JADE3: variants seen among roughly 807,000 people sequenced by gnomAD.
JADE3 encodes protein Jade-3.
Under a neutral mutation model 50.1 loss-of-function variants are expected in JADE3, and 2 were observed. The ratio of observed to expected loss-of-function variants is 0.04; its 90% CI spans 0.02 to 0.13. The LOEUF is 0.13. Among genes scored for constraint, JADE3 ranks in the 10% least tolerant of loss-of-function variants. The probability of loss-of-function intolerance (pLI) is 1.00; values close to 1 mark genes in which losing one functional copy is unlikely to be tolerated. For synonymous variants in JADE3, 218 were observed against 232.9 expected (o/e 0.94, Z 0.58); for missense variants, 475 against 634.4 (o/e 0.75, Z 2.70).
chrX:47,003,964 G>A (rs1286907339), intron 4 of JADE3, among the ~76,000 whole-genome samples: 1 of 105,723 alleles, frequency 9.5e-6, no homozygotes, highest in Non-Finnish European at 1.9e-5. Flanking sequence ...TCGCTCTGTT[G>A]CCCAGGCTGG....
In JADE3 at chrX:47,011,046, A is replaced by C. The variant is rs145577888; in HGVS notation, c.284+12769A>C. On this transcript the variant is annotated intron_variant, in intron 4 of 10. Coordinates refer to ENST00000614628, the MANE Select transcript of JADE3 (RefSeq NM_014735.5). ...CTAAGGACACCAGCCCTATCAGACTAAGGCCCCATCCTTATGACCTCTCAT... is the reference window on the plus strand; with the variant it reads ...CTAAGGACACCAGCCCTATCAGACTCAGGCCCCATCCTTATGACCTCTCAT... Among the ~76,000 whole-genome samples the C allele has an allele frequency of 5.2e-3, 576 of 111,039 alleles. 1 individual carries two copies. Among genetic ancestry groups the C allele is most frequent in the South Asian group, 0.015 (38 of 2,579 alleles).
chrX:47,017,463 T>A lies in JADE3; in HGVS notation c.285-7261T>A, dbSNP rs183924662. Among the ~76,000 whole-genome samples, 579 of 112,104 alleles carry A rather than the reference T, an allele frequency of 5.2e-3. 2 individuals are homozygous for A. Among genetic ancestry groups the A allele is most frequent in the South Asian group, 0.023 (62 of 2,722 alleles). On this transcript the variant is annotated intron_variant, in intron 4 of 10. Coordinates refer to ENST00000614628, the MANE Select transcript of JADE3 (RefSeq NM_014735.5). ...TAGAAGGAAAACAATGCTTCATTTT[T>A]TGTTGAAAGCAAACATACATTATAA...
chrX:46,952,258 AC>A (rs200207386), intron 1 of JADE3, among the ~76,000 whole-genome samples: 1,476 of 111,904 alleles, frequency 0.013, 23 homozygotes, highest in African/African-American at 0.045. Flanking sequence ...TCTTGTTTCA[AC>A]CCCATGGAGA....
At chrX:47,027,773 C>A in intron 5 of JADE3, 119 bp from the exon 6 acceptor site, 3 of 547,354 alleles carry the variant, frequency 5.5e-6, no homozygotes, top group Non-Finnish European at 8.9e-6. Context: ...TGTTTTAGAG[C>A]AGGAAAGAGA....
intron 1 of JADE3, among the ~76,000 whole-genome samples, chrX:46,968,311 T>G (rs1556349435): frequency 9.0e-6 from 1 of 111,673 alleles, no homozygotes; most frequent in African/African-American, 3.3e-5. Flanking sequence ...TAGACAGGAG[T>G]TGCAAAAATA....
chrX:46,934,730 C>T (rs1027261449), intron 1 of JADE3, among the ~76,000 whole-genome samples: 4 of 111,027 alleles, frequency 3.6e-5, no homozygotes, highest in African/African-American at 9.8e-5. Flanking sequence ...CCACCGTGCC[C>T]GGCCTTCTTC....
At chrX:46,993,412 C>T (rs1928059781) in intron 3 of JADE3, among the ~76,000 whole-genome samples, 1 of 111,941 alleles carries the variant, frequency 8.9e-6, no homozygotes, top group Non-Finnish European at 1.9e-5. Context: ...ACTTATTACA[C>T]AAAAAGGGAC....
intron 1 of JADE3, among the ~76,000 whole-genome samples, chrX:46,920,419 C>T (rs1489202193): frequency 1.8e-5 from 2 of 112,723 alleles, no homozygotes; most frequent in Non-Finnish European, 3.8e-5. Flanking sequence ...TTACTGAATA[C>T]TATTCCATTG....
At chrX:47,044,764 G>A (rs1479629603) in intron 8 of JADE3, among the ~76,000 whole-genome samples, 3 of 111,942 alleles carry the variant, frequency 2.7e-5, no homozygotes, top group Non-Finnish European at 5.6e-5. Flanking sequence ...AGTAGAAACA[G>A]CAAAAAGTTA....
At chrX:46,964,853 C>T (rs782175394) in intron 1 of JADE3, among the ~76,000 whole-genome samples, 1 of 112,042 alleles carries the variant, frequency 8.9e-6, no homozygotes, top group African/African-American at 3.2e-5. Flanking sequence ...CCATTCTTAG[C>T]CTCCAGGCCA....
chrX:46,938,212 C>T (rs1556341554), intron 1 of JADE3, among the ~76,000 whole-genome samples: 1 of 111,467 alleles, frequency 9.0e-6, no homozygotes, highest in Non-Finnish European at 1.9e-5. Flanking sequence ...TTACATCTGT[C>T]GTTTTTTATT....
chrX:46,920,032 C>A (rs1327223675), intron 1 of JADE3, among the ~76,000 whole-genome samples: 2 of 110,883 alleles, frequency 1.8e-5, no homozygotes, highest in Non-Finnish European at 3.8e-5. Flanking sequence ...ACACGCATGA[C>A]CAAGCAGGTA....
intron 1 of JADE3, among the ~76,000 whole-genome samples, chrX:46,961,256 T>TTCC (rs1927251880): frequency 8.9e-6 from 1 of 111,905 alleles, no homozygotes; most frequent in Non-Finnish European, 1.9e-5. Flanking sequence ...TGAGACTTAG[T>TTCC]TCCTCCTTGG....
intron 6 of JADE3, among the ~76,000 whole-genome samples, chrX:47,028,419 C>T (rs782375644): frequency 3.7e-5 from 4 of 108,888 alleles, no homozygotes; most frequent in Non-Finnish European, 7.6e-5. Flanking sequence ...TGTCTGAGGT[C>T]TCTCCTCTTC....
In JADE3 at chrX:47,058,678, G is replaced by A. The variant is rs1487523838; in HGVS notation, c.2073G>A (p.Glu691=). 3 of 1,209,778 alleles carry A rather than the reference G, an allele frequency of 2.5e-6. No homozygotes were observed. Among genetic ancestry groups the A allele is most frequent in the Non-Finnish European group, 3.4e-6 (3 of 895,209 alleles). Residue 691 remains glutamate, a synonymous_variant, in exon 11 of 11, where the codon GAG becomes GAA. Coordinates refer to ENST00000614628, the MANE Select transcript of JADE3 (RefSeq NM_014735.5). ...CGAGTGAGATGTTCTGTGACCAGGA[G>A]CCTGTGTTCAGCCCCCACTTGGTCA... ...DSSSEMFCDQ[E]PVFSPHLVSQ...
chrX:46,940,695 A>G, intron 1 of JADE3, among the ~76,000 whole-genome samples: 1 of 111,296 alleles, frequency 9.0e-6, no homozygotes. Flanking sequence ...CTGAGCCTAT[A>G]GACCCACCTT....
intron 1 of JADE3, among the ~76,000 whole-genome samples, chrX:46,932,904 C>T (rs1231572145): frequency 9.0e-6 from 1 of 111,605 alleles, no homozygotes; most frequent in Non-Finnish European, 1.9e-5. Context: ...AGATCCATGG[C>T]AAACAGACTC....
At chrX:47,039,584 C>T (rs1484570874) in intron 8 of JADE3, among the ~76,000 whole-genome samples, 1 of 110,801 alleles carries the variant, frequency 9.0e-6, no homozygotes, top group Non-Finnish European at 1.9e-5. Context: ...GTAATCCCCA[C>T]TGTCTATTTT....
intron 8 of JADE3, among the ~76,000 whole-genome samples, chrX:47,044,984 C>A (rs1556370383): frequency 9.0e-6 from 1 of 111,315 alleles, no homozygotes; most frequent in Non-Finnish European, 1.9e-5. Flanking sequence ...CTGAGAATAT[C>A]ACCTTCACTA....
Sources: gnomAD v4.1 joint callset for allele counts (sites outside exome capture counted in the v4.1 genomes callset) on GRCh38, gnomAD v4.1.1 for gene constraint, MANE v1.5 for transcripts, NCBI Gene and HGNC (gene_info 2026-07-23, HGNC 2026-07-21) for gene names.